The following SUMO2 variants were observed in gnomAD, a reference collection of about 807,000 sequenced individuals.
SUMO2 encodes small ubiquitin-related modifier 2.
In SUMO2, 1 loss-of-function variant was observed where a neutral mutation model predicts 16.0. The ratio of observed to expected loss-of-function variants is 0.06; its 90% CI spans 0.02 to 0.30. The LOEUF (loss-of-function observed/expected upper bound fraction) is 0.30, where lower values mean the gene tolerates loss of function less well. SUMO2 is among the 10% of genes least tolerant of loss of function. SUMO2 has a pLI of 1.00. For missense variants in SUMO2, 16 were observed against 117.5 expected, an observed-to-expected ratio of 0.14 and a Z score of 3.99; for synonymous variants, 36 against 40.6, an observed-to-expected ratio of 0.89 and a Z score of 0.43.
chr17:75,181,913 C>G lies in SUMO2; in HGVS notation c.22-725G>C, dbSNP rs952200840. Among the ~76,000 whole-genome samples the G allele has an allele frequency of 2.7e-5, 4 of 149,528 alleles. No individual in the cohort carries two copies. The South Asian group carries it at 8.6e-4, about 32-fold the overall frequency. On this transcript the variant is annotated intron_variant, in intron 1 of 3. Transcript: ENST00000420826. ...GATTTCGACCCAACCTAAAGTTGTC[C>G]AAAATCGAGTGCAGAAGCAATTCTG... is the stretch of plus-strand genomic sequence containing the variant.
At chr17:75,176,777 A>C (rs1277640914) in intron 2 of SUMO2, among the ~76,000 whole-genome samples, 1 of 152,194 alleles carries the variant, frequency 6.6e-6, no homozygotes, top group Non-Finnish European at 1.5e-5. Flanking sequence ...TTCAGGAGAT[A>C]TAGGAACCTA....
chr17:75,177,150 G>GC (rs1479101223), intron 2 of SUMO2, among the ~76,000 whole-genome samples: 1 of 150,260 alleles, frequency 6.7e-6, no homozygotes. Context: ...TCGTGCCATT[G>GC]CAAGAGCGAG....
intron 1 of SUMO2, 109 bp downstream of exon 1, chr17:75,182,705 T>C: frequency 1.0e-6 from 1 of 992,996 alleles, no homozygotes; most frequent in Non-Finnish European, 1.3e-6. Context: ...GCCGGCCCCG[T>C]GGGGGGCCCG....
intron 3 of SUMO2, among the ~76,000 whole-genome samples, chr17:75,174,386 G>A (rs944604859): frequency 2.6e-5 from 4 of 151,436 alleles, no homozygotes; most frequent in South Asian, 2.1e-4. Flanking sequence ...GTGAGATTCC[G>A]TCACAAAAAA....
At chr17:75,178,174 A>G (rs1176180135) in intron 2 of SUMO2, among the ~76,000 whole-genome samples, 3 of 151,340 alleles carry the variant, frequency 2.0e-5, no homozygotes, top group African/African-American at 4.9e-5. Flanking sequence ...AAAAAAAAAA[A>G]GGCAAAATTT....
intron 2 of SUMO2, among the ~76,000 whole-genome samples, chr17:75,175,171 C>T (rs2145221363): frequency 6.6e-6 from 1 of 152,086 alleles, no homozygotes; most frequent in South Asian, 2.1e-4. Context: ...TTAGTAGAGA[C>T]TGGGTTTCAT....
intron 2 of SUMO2, among the ~76,000 whole-genome samples, chr17:75,176,828 G>A (rs1340427105): frequency 2.6e-5 from 4 of 152,036 alleles, no homozygotes; most frequent in African/African-American, 9.7e-5. Flanking sequence ...CACATAGTAG[G>A]TGCTGCTCAG....
chr17:75,182,896 C>T lies in SUMO2; in HGVS notation c.-62G>A. 7.7e-7 allele frequency: 1 copy of T among 1,299,150 alleles called. No individual in the cohort carries two copies. The highest frequency in any genetic ancestry group is 9.9e-7 in the Non-Finnish European group (1 of 1,010,706). The allele number at this position is 1,299,150 out of a possible 1,614,324, so 80.5% of individuals were successfully genotyped here. A position where few individuals can be genotyped will look rare whatever the true frequency, so the allele number is the denominator to read the frequency against. ...AAAGAGGTACCAGGTCCGCACCAAACGAGCACACAAGCAGCACCAGGAGCG... is the reference window on the plus strand; with the variant it reads ...AAAGAGGTACCAGGTCCGCACCAAATGAGCACACAAGCAGCACCAGGAGCG... On this transcript the variant is annotated 5_prime_UTR_variant, in exon 1 of 4. Transcript: ENST00000420826.
At chr17:75,182,454 A>C in intron 1 of SUMO2, 1 of 173,926 alleles carries the variant, frequency 5.7e-6, no homozygotes, top group Non-Finnish European at 1.2e-5. Flanking sequence ...CGGGGTCGAC[A>C]GAAGGTGGAG....
chr17:75,178,272 T>C (rs1295772180), intron 2 of SUMO2, among the ~76,000 whole-genome samples: 1 of 151,912 alleles, frequency 6.6e-6, no homozygotes, highest in Non-Finnish European at 1.5e-5. Context: ...TCCCAGCACT[T>C]TGGGAGGCCG....
At chr17:75,171,137 A>G (rs911781499) in intron 3 of SUMO2, among the ~76,000 whole-genome samples, 3 of 149,834 alleles carry the variant, frequency 2.0e-5, no homozygotes, top group African/African-American at 4.9e-5. Flanking sequence ...GTGTTTTTCT[A>G]TTTTTTCTTG....
intron 3 of SUMO2, among the ~76,000 whole-genome samples, chr17:75,172,147 A>T (rs2074744911): frequency 6.6e-6 from 1 of 151,590 alleles, no homozygotes; most frequent in African/African-American, 2.4e-5. Context: ...TCTCCCGAGT[A>T]GCTGGGATGG....
chr17:75,181,830 TC>T (rs910207731), intron 1 of SUMO2, among the ~76,000 whole-genome samples: 35 of 151,954 alleles, frequency 2.3e-4, no homozygotes, highest in African/African-American at 8.2e-4. Flanking sequence ...TATTCTCCCC[TC>T]CCCCCCTTTG....
chr17:75,172,409 T>C, intron 3 of SUMO2, among the ~76,000 whole-genome samples: 1 of 148,548 alleles, frequency 6.7e-6, no homozygotes, highest in East Asian at 2.0e-4. Context: ...AATCTCCGCC[T>C]CTCGGGTTCA....
At chr17:75,174,863 AAC>A (rs760567452) in intron 2 of SUMO2, 40 bp from the exon 3 acceptor site, 1 of 1,558,778 alleles carries the variant, frequency 6.4e-7, no homozygotes, top group East Asian at 2.3e-5. Flanking sequence ...CATTAAGAGA[AAC>A]AGAATTCTAT....
chr17:75,178,638 GGC>G (rs920602232), intron 2 of SUMO2, among the ~76,000 whole-genome samples: 5 of 152,146 alleles, frequency 3.3e-5, no homozygotes, highest in African/African-American at 1.2e-4. Context: ...ATGAGATCAT[GGC>G]TCACTGCAGC....
intron 1 of SUMO2, among the ~76,000 whole-genome samples, chr17:75,181,729 TC>T (rs1259846517): frequency 2.0e-5 from 3 of 151,814 alleles, no homozygotes; most frequent in Admixed American, 6.6e-5. Context: ...ATATCCCGAT[TC>T]CCCCCGGAAC....
chr17:75,171,108 T>C (rs1400565023), intron 3 of SUMO2, among the ~76,000 whole-genome samples: 1 of 151,124 alleles, frequency 6.6e-6, no homozygotes, highest in Non-Finnish European at 1.5e-5. Context: ...GCAAAGCAGC[T>C]TATTGTATGA....
chr17:75,181,613 T>C (rs1450592160), intron 1 of SUMO2, among the ~76,000 whole-genome samples: 2 of 152,098 alleles, frequency 1.3e-5, no homozygotes, highest in South Asian at 2.1e-4. Flanking sequence ...CAGCCTGCCA[T>C]TCAAAACTCA....
Sources: gnomAD v4.1 joint callset for allele counts (sites outside exome capture counted in the v4.1 genomes callset) on GRCh38, gnomAD v4.1.1 for gene constraint, MANE v1.5 for transcripts, NCBI Gene and HGNC (gene_info 2026-07-23, HGNC 2026-07-21) for gene names.